PRKG1: variants seen among roughly 807,000 people sequenced by gnomAD.
PRKG1 encodes the protein protein kinase cGMP-dependent 1, also known as cGMP-dependent protein kinase 1.
In PRKG1, 35 loss-of-function variants were observed where a neutral mutation model predicts 88.1. That is an observed-to-expected ratio of 0.40 (90% confidence interval 0.30 to 0.53). The LOEUF (loss-of-function observed/expected upper bound fraction) is 0.53, where lower values mean the gene tolerates loss of function less well. Among genes scored for constraint, PRKG1 ranks in the 20% least tolerant of loss-of-function variants. The pLI, the probability that PRKG1 is intolerant of heterozygous loss-of-function variation, is 0.59. For missense variants in PRKG1, 540 were observed against 839.8 expected (o/e 0.64, Z 4.41); for synonymous variants, 303 against 292.5 (o/e 1.04, Z -0.37).
chr10:51,039,897 T>G (rs1843398138), intron 1 of PRKG1, among the ~76,000 whole-genome samples: 1 of 152,144 alleles, frequency 6.6e-6, no homozygotes, highest in Admixed American at 6.6e-5. Context: ...ATGTATGGAT[T>G]TGTTTCTTGA....
chr10:51,435,392 C>T (rs529866440), intron 2 of PRKG1, among the ~76,000 whole-genome samples: 4 of 150,122 alleles, frequency 2.7e-5, no homozygotes, highest in Admixed American at 2.7e-4. Context: ...CTTGCACTTG[C>T]CTACACCCAG....
intron 4 of PRKG1, among the ~76,000 whole-genome samples, chr10:51,827,300 T>G (rs1306141094): frequency 6.6e-6 from 1 of 152,142 alleles, no homozygotes; most frequent in Non-Finnish European, 1.5e-5. Context: ...ATTTATGCAG[T>G]ATTTTTGGCT....
intron 3 of PRKG1, chr10:51,695,629 C>T (rs1416493649): frequency 6.6e-6 from 1 of 152,164 alleles, no homozygotes; most frequent in Non-Finnish European, 1.5e-5. Flanking sequence ...CGAGCCAACT[C>T]TGTGAATTAG....
rs1329513048 is a variant in PRKG1, at chr10:52,256,151, C to T, written c.1173+4485C>T. ...GATTCTTACCACCACCATCAACAACCACCCCCAAATCAAACAAGTGTTACT... is the reference window on the plus strand; with the variant it reads ...GATTCTTACCACCACCATCAACAACTACCCCCAAATCAAACAAGTGTTACT... On this transcript the variant is annotated intron_variant, in intron 10 of 17. Transcript: ENST00000373980. Among the ~76,000 whole-genome samples, 5 of 139,234 alleles carry T rather than the reference C, an allele frequency of 3.6e-5. 1 individual carries two copies. Among genetic ancestry groups the T allele is most frequent in the Non-Finnish European group, 6.5e-5 (4 of 61,646 alleles). The allele number at this position is 139,234 out of a possible 152,430, so 91.3% of individuals were successfully genotyped here.
chr10:51,141,115 C>A (rs1845810111), intron 1 of PRKG1, among the ~76,000 whole-genome samples: 1 of 152,172 alleles, frequency 6.6e-6, no homozygotes. Flanking sequence ...TCCCTCTATA[C>A]CCTGTCCCTG....
chr10:52,044,917 C>G, intron 5 of PRKG1, among the ~76,000 whole-genome samples: 1 of 152,156 alleles, frequency 6.6e-6, no homozygotes, highest in East Asian at 1.9e-4. Flanking sequence ...TAAGAAGCTT[C>G]ATCTGGGTCC....
intron 4 of PRKG1, among the ~76,000 whole-genome samples, chr10:51,834,863 G>A (rs528344374): frequency 2.0e-5 from 3 of 152,274 alleles, no homozygotes; most frequent in African/African-American, 7.2e-5. Context: ...GGGCAAGTGA[G>A]ATGGAAAAGG....
chr10:51,977,662 C>A (rs546495664), intron 5 of PRKG1, among the ~76,000 whole-genome samples: 1 of 152,168 alleles, frequency 6.6e-6, no homozygotes, highest in Non-Finnish European at 1.5e-5. Context: ...AATTGCCATT[C>A]TAACTGGTGT....
intron 2 of PRKG1, among the ~76,000 whole-genome samples, chr10:51,369,646 T>C (rs1473697384): frequency 6.6e-6 from 1 of 152,136 alleles, no homozygotes; most frequent in Non-Finnish European, 1.5e-5. Context: ...CCAGGTCTCT[T>C]GGTTGGCAGT....
At chr10:51,599,977 A>G (rs913428765) in intron 3 of PRKG1, among the ~76,000 whole-genome samples, 2 of 152,218 alleles carry the variant, frequency 1.3e-5, no homozygotes, top group African/African-American at 2.4e-5. Flanking sequence ...AGACTAGACT[A>G]TAGTAAAAAC....
At chr10:51,214,953 T>C (rs909215470) in intron 2 of PRKG1, among the ~76,000 whole-genome samples, 10 of 152,172 alleles carry the variant, frequency 6.6e-5, no homozygotes, top group African/African-American at 1.4e-4. Flanking sequence ...AAATGAAAGA[T>C]TGTCACTTGC....
At chr10:51,965,226 C>G (rs1278474445) in intron 5 of PRKG1, among the ~76,000 whole-genome samples, 7 of 152,094 alleles carry the variant, frequency 4.6e-5, no homozygotes, top group African/African-American at 4.8e-5. Context: ...GATTCTTTCT[C>G]TCTTCCCACT....
chr10:51,297,503 A>C (rs1438425251), intron 2 of PRKG1, among the ~76,000 whole-genome samples: 1 of 152,118 alleles, frequency 6.6e-6, no homozygotes, highest in Non-Finnish European at 1.5e-5. Flanking sequence ...TAGGATTGAG[A>C]GGAAACTTTG....
chr10:51,822,458 T>C (rs1839774174), intron 4 of PRKG1, among the ~76,000 whole-genome samples: 1 of 151,850 alleles, frequency 6.6e-6, no homozygotes, highest in South Asian at 2.1e-4. Flanking sequence ...TGGCGCTAAA[T>C]GAAGAAAAAA....
intron 2 of PRKG1, among the ~76,000 whole-genome samples, chr10:51,219,097 T>C (rs1038754212): frequency 2.6e-5 from 4 of 152,222 alleles, no homozygotes; most frequent in African/African-American, 9.7e-5. Flanking sequence ...TTTTAATGAA[T>C]ATGAAATTTT....
At chr10:51,146,280 C>G (rs762909749) in intron 1 of PRKG1, among the ~76,000 whole-genome samples, 2 of 151,766 alleles carry the variant, frequency 1.3e-5, no homozygotes, top group Non-Finnish European at 2.9e-5. Context: ...GTCATTTTAA[C>G]TGGTTTAAGA....
At chr10:51,150,927 A>G (rs1384648497) in intron 1 of PRKG1, among the ~76,000 whole-genome samples, 5 of 151,980 alleles carry the variant, frequency 3.3e-5, no homozygotes, top group Admixed American at 3.3e-4. Context: ...TCATGTTTGG[A>G]TGGCGCTAAT....
intron 5 of PRKG1, among the ~76,000 whole-genome samples, chr10:51,960,594 A>G (rs1843423609): frequency 1.3e-5 from 2 of 151,222 alleles, no homozygotes; most frequent in South Asian, 2.1e-4. Context: ...AGTGCCACCT[A>G]TTGGTAAAAT....
chr10:51,293,603 TTTTC>T (rs1365431241), intron 2 of PRKG1, among the ~76,000 whole-genome samples: 1 of 152,174 alleles, frequency 6.6e-6, no homozygotes, highest in African/African-American at 2.4e-5. Context: ...CTATACCGCA[TTTTC>T]TTTATCTGTT....
Sources: gnomAD v4.1 joint callset for allele counts (sites outside exome capture counted in the v4.1 genomes callset) on GRCh38, gnomAD v4.1.1 for gene constraint, MANE v1.5 for transcripts, NCBI Gene and HGNC (gene_info 2026-07-23, HGNC 2026-07-21) for gene names.